MICU2: variants seen among roughly 807,000 people sequenced by gnomAD.
MICU2 encodes calcium uptake protein 2, mitochondrial.
Under a neutral mutation model 60.4 loss-of-function variants are expected in MICU2, and 64 were observed. The observed-to-expected ratio is 1.06, with a 90% CI of 0.87 to 1.31. The LOEUF (loss-of-function observed/expected upper bound fraction) is 1.31. MICU2 is among the 50% of genes most tolerant of loss of function. The probability of loss-of-function intolerance (pLI) is 0.00; values close to 1 mark genes in which losing one functional copy is unlikely to be tolerated. For synonymous variants in MICU2, 201 were observed against 175.0 expected (o/e 1.15, Z -1.17); for missense variants, 569 against 531.0 (o/e 1.07, Z -0.70).
chr13:21,514,682 G>A lies in MICU2; in HGVS notation c.598-264C>T, dbSNP rs186334892. On this transcript the variant is annotated intron_variant, in intron 6 of 11. Coordinates refer to ENST00000382374, the MANE Select transcript of MICU2 (RefSeq NM_152726.3). ...CAAGTAGCTGGGACTACAGGCGCCCGCCACCACTCCCGTTAATTTTTTTTT... is the reference window on the plus strand; with the variant it reads ...CAAGTAGCTGGGACTACAGGCGCCCACCACCACTCCCGTTAATTTTTTTTT... Among the ~76,000 whole-genome samples, 256 of 150,386 alleles carry A rather than the reference G, an allele frequency of 1.7e-3. 2 individuals carry two copies. The highest frequency in any genetic ancestry group is 6.1e-3 in the African/African-American group (249 of 41,150).
chr13:21,559,854 A>T (rs978352710), intron 2 of MICU2, among the ~76,000 whole-genome samples: 2 of 152,070 alleles, frequency 1.3e-5, no homozygotes, highest in African/African-American at 4.8e-5. Flanking sequence ...GGCATGTCCA[A>T]CTAACAGTGT....
chr13:21,596,487 G>T (rs1183159438), intron 1 of MICU2, among the ~76,000 whole-genome samples: 1 of 151,464 alleles, frequency 6.6e-6, no homozygotes, highest in Non-Finnish European at 1.5e-5. Context: ...GCAGTGGTGC[G>T]ATCCTGGCTC....
intron 6 of MICU2, among the ~76,000 whole-genome samples, chr13:21,518,945 C>A (rs867211404): frequency 6.6e-6 from 1 of 152,178 alleles, no homozygotes; most frequent in African/African-American, 2.4e-5. Flanking sequence ...TCTGTGGTGT[C>A]GGTCCCCACG....
At chr13:21,538,559 T>A (rs1215373412) in intron 4 of MICU2, among the ~76,000 whole-genome samples, 1 of 32,136 alleles carries the variant, frequency 3.1e-5, no homozygotes. Context: ...CAAGACCCTG[T>A]CTCAAAAAAA....
intron 1 of MICU2, among the ~76,000 whole-genome samples, chr13:21,578,004 T>A (rs1888266472): frequency 1.4e-5 from 2 of 141,628 alleles, no homozygotes; most frequent in African/African-American, 5.0e-5. Flanking sequence ...ATAATAATAA[T>A]AAATTAAAAG....
chr13:21,564,848 G>A (rs921308083), intron 2 of MICU2, among the ~76,000 whole-genome samples: 9 of 152,136 alleles, frequency 5.9e-5, no homozygotes, highest in Admixed American at 1.3e-4. Flanking sequence ...TCACAAAAGC[G>A]TATGGGCTTC....
chr13:21,519,168 T>C (rs572911592), intron 6 of MICU2, among the ~76,000 whole-genome samples: 29 of 152,346 alleles, frequency 1.9e-4, no homozygotes, highest in Admixed American at 1.1e-3. Flanking sequence ...ACGATTCTCC[T>C]GTCTCAGCCT....
chr13:21,585,251 C>G (rs1478689566), intron 1 of MICU2, among the ~76,000 whole-genome samples: 1 of 152,172 alleles, frequency 6.6e-6, no homozygotes, highest in Admixed American at 6.5e-5. Context: ...AACATCATAG[C>G]TTTGTCATCA....
At chr13:21,588,062 C>A (rs985233571) in intron 1 of MICU2, among the ~76,000 whole-genome samples, 26 of 152,170 alleles carry the variant, frequency 1.7e-4, no homozygotes, top group African/African-American at 6.0e-4. Context: ...AGTCTTGCCC[C>A]CCGATGTAGA....
chr13:21,594,181 A>G (rs1298740533), intron 1 of MICU2, among the ~76,000 whole-genome samples: 1 of 152,198 alleles, frequency 6.6e-6, no homozygotes, highest in South Asian at 2.1e-4. Context: ...AAACATATTT[A>G]TAAGAAAAAA....
chr13:21,549,136 A>G lies in MICU2; in HGVS notation c.359-9448T>C, dbSNP rs527688519. Among the ~76,000 whole-genome samples, 48 of 151,756 alleles carry G rather than the reference A, an allele frequency of 3.2e-4. No homozygotes were observed. In the East Asian group the frequency reaches 4.1e-3, roughly 13 times the overall value. On this transcript the variant is annotated intron_variant, in intron 2 of 11. Transcript: ENST00000382374. ...AGTAGAGACGGGGTTTCACCGTGTTAGCCAGGATGGTCTTGATCTCCTGAC... is the reference window on the plus strand; with the variant it reads ...AGTAGAGACGGGGTTTCACCGTGTTGGCCAGGATGGTCTTGATCTCCTGAC...
At chr13:21,593,618 C>CT (rs1593360640) in intron 1 of MICU2, among the ~76,000 whole-genome samples, 2 of 121,492 alleles carry the variant, frequency 1.6e-5, no homozygotes, top group East Asian at 5.5e-4. Context: ...ATCATGCTAA[C>CT]TGACTTCAAA....
rs572194551 is a variant in MICU2, at chr13:21,514,698, A to T, written c.598-280T>A. 3.5e-5 allele frequency among the ~76,000 whole-genome samples: 5 copies of T among 141,198 alleles called. No individual in the cohort carries two copies. In the East Asian group the frequency reaches 8.2e-4, roughly 23 times the overall value. The allele number at this position is 141,198 out of a possible 152,430, so 92.6% of individuals were successfully genotyped here. A position where few individuals can be genotyped will look rare whatever the true frequency, so the allele number is the denominator to read the frequency against. On this transcript the variant is annotated intron_variant, in intron 6 of 11. Coordinates refer to ENST00000382374, the MANE Select transcript of MICU2 (RefSeq NM_152726.3). ...CAGGCGCCCGCCACCACTCCCGTTA[A>T]TTTTTTTTTTTTTTTGTATTTTTAG...
At chr13:21,560,653 T>C (rs1366472760) in intron 2 of MICU2, among the ~76,000 whole-genome samples, 3 of 152,084 alleles carry the variant, frequency 2.0e-5, no homozygotes, top group Admixed American at 2.0e-4. Context: ...CACGTGTGCA[T>C]ACATGTGTGA....
intron 5 of MICU2, among the ~76,000 whole-genome samples, chr13:21,521,967 T>C (rs1275937607): frequency 6.6e-6 from 1 of 152,180 alleles, no homozygotes; most frequent in South Asian, 2.1e-4. Flanking sequence ...TTTGTAGAGA[T>C]GGGGTTTTAC....
chr13:21,503,876 C>T (rs987039478), intron 8 of MICU2, among the ~76,000 whole-genome samples: 4 of 152,070 alleles, frequency 2.6e-5, no homozygotes, highest in African/African-American at 7.2e-5. Context: ...GTGAAAAGAT[C>T]GGTACTATCT....
chr13:21,505,426 C>G (rs1886268770), intron 8 of MICU2, among the ~76,000 whole-genome samples: 1 of 152,098 alleles, frequency 6.6e-6, no homozygotes, highest in Non-Finnish European at 1.5e-5. Flanking sequence ...AGTAGGTTGA[C>G]AGAAAACTCA....
intron 8 of MICU2, among the ~76,000 whole-genome samples, chr13:21,507,839 G>A (rs1006761596): frequency 2.0e-5 from 3 of 151,774 alleles, no homozygotes; most frequent in Non-Finnish European, 4.4e-5. Context: ...TCCTGACCTC[G>A]TGATCTGCCC....
chr13:21,517,546 C>T (rs1436645969), intron 6 of MICU2, among the ~76,000 whole-genome samples: 9 of 152,094 alleles, frequency 5.9e-5, no homozygotes. Flanking sequence ...GAGGCTGACG[C>T]GGGTGGATCA....
Sources: gnomAD v4.1 joint callset for allele counts (sites outside exome capture counted in the v4.1 genomes callset) on GRCh38, gnomAD v4.1.1 for gene constraint, MANE v1.5 for transcripts, NCBI Gene and HGNC (gene_info 2026-07-23, HGNC 2026-07-21) for gene names.